Variants in ATP6V1E1 observed in about 807,000 individuals in gnomAD.
ATP6V1E1 encodes ATPase H+ transporting V1 subunit E1.
ATP6V1E1 carries 21 observed loss-of-function variants against 35.2 expected under a neutral mutation model. The observed-to-expected ratio is 0.60, with a 90% CI of 0.42 to 0.86. ATP6V1E1 has a LOEUF of 0.86. ATP6V1E1 is among the 40% of genes least tolerant of loss of function. The probability of loss-of-function intolerance (pLI) is 0.00; values close to 1 mark genes in which losing one functional copy is unlikely to be tolerated. For synonymous variants in ATP6V1E1, 83 were observed against 87.8 expected, an observed-to-expected ratio of 0.95 and a Z score of 0.30; for missense variants, 183 against 272.6, an observed-to-expected ratio of 0.67 and a Z score of 2.32.
At chr22:17,607,866 G>A (rs987807470) in intron 4 of ATP6V1E1, among the ~76,000 whole-genome samples, 1 of 152,124 alleles carries the variant, frequency 6.6e-6, no homozygotes, top group Non-Finnish European at 1.5e-5. Context: ...ATTAAAGTTA[G>A]AGAATTAGCC....
intron 1 of ATP6V1E1, among the ~76,000 whole-genome samples, chr22:17,620,268 C>T (rs367935860): frequency 0.013 from 1,979 of 151,952 alleles, 25 homozygotes; most frequent in Middle Eastern, 0.027. Flanking sequence ...CTGCCTCAGC[C>T]TCCCGAGTAG....
intron 4 of ATP6V1E1, among the ~76,000 whole-genome samples, chr22:17,610,229 T>C (rs1462245747): frequency 7.3e-5 from 11 of 151,416 alleles, no homozygotes; most frequent in Non-Finnish European, 1.6e-4. Flanking sequence ...ATTACGTTTT[T>C]TAAAAAGCAA....
At chr22:17,601,221 G>A (rs200356253) in intron 4 of ATP6V1E1, 40 bp from the exon 5 acceptor site, 8 of 1,567,002 alleles carry the variant, frequency 5.1e-6, no homozygotes, top group Non-Finnish European at 7.0e-6. Context: ...CTACACATCT[G>A]GGCAGTCGGC....
chr22:17,615,248 C>T (rs2057837690), intron 2 of ATP6V1E1, among the ~76,000 whole-genome samples: 1 of 152,032 alleles, frequency 6.6e-6, no homozygotes, highest in Non-Finnish European at 1.5e-5. Flanking sequence ...TTACAGTGAG[C>T]CGAGATCATG....
intron 1 of ATP6V1E1, among the ~76,000 whole-genome samples, chr22:17,628,155 G>C (rs2057931439): frequency 1.3e-5 from 2 of 151,986 alleles, no homozygotes; most frequent in South Asian, 2.1e-4. Context: ...AGTAGAGACC[G>C]GGGTTTCACC....
intron 4 of ATP6V1E1, 130 bp downstream of exon 4, chr22:17,612,682 A>C: frequency 1.2e-6 from 1 of 804,836 alleles, no homozygotes; most frequent in East Asian, 2.9e-5. Flanking sequence ...TGTATTTATT[A>C]TAATAATTGG....
intron 1 of ATP6V1E1, 131 bp downstream of exon 1, chr22:17,628,472 T>C: frequency 7.8e-7 from 1 of 1,281,464 alleles, no homozygotes; most frequent in East Asian, 2.3e-5. Flanking sequence ...CTCTTGGATC[T>C]GGTGACTTGG....
At position 17,592,702 on chromosome 22, in the gene ATP6V1E1, G is replaced by A; in HGVS notation, c.653C>T (p.Ala218Val). 1.2e-6 allele frequency: 2 copies of A among 1,613,812 alleles called. No individual in the cohort carries two copies. Among genetic ancestry groups the A allele is most frequent in the East Asian group, 4.5e-5 (2 of 44,876 alleles). The change falls in exon 9 of 9, where the codon GCA (alanine) becomes GTA (valine). Residue 218 changes from alanine to valine, a missense_variant. Ala to Val is a moderately conservative substitution (Grantham distance 64, BLOSUM62 0). Transcript: ENST00000253413. ...GTCCAAAAACTTCCTGTTGGCATTT[G>A]CACCAAACAAGGCTCCCCGGACTTC... ...MPEVRGALFG[A>V]NANRKFLD
chr22:17,603,784 C>T (rs1046250205), intron 4 of ATP6V1E1, among the ~76,000 whole-genome samples: 8 of 152,214 alleles, frequency 5.3e-5, no homozygotes, highest in Non-Finnish European at 1.2e-4. Context: ...AAGGGATACA[C>T]ACCCTGTCTA....
intron 4 of ATP6V1E1, among the ~76,000 whole-genome samples, chr22:17,607,355 AC>A (rs2146304118): frequency 6.6e-6 from 1 of 152,026 alleles, no homozygotes; most frequent in East Asian, 1.9e-4. Context: ...ATGGGGTTTC[AC>A]CATGTTTGCC....
rs1346596581 is a variant in ATP6V1E1 at position 17,628,718 on chromosome 22, C to A, written c.-83G>T. 5.7e-6 allele frequency: 9 copies of A among 1,579,632 alleles called. No homozygotes were observed. The highest frequency in any genetic ancestry group is 7.8e-6 in the Non-Finnish European group (9 of 1,149,480). On this transcript the variant is annotated 5_prime_UTR_variant, in exon 1 of 9. Transcript: ENST00000253413. ...GGTGAGAGAAATCGGCAAAGGGAAC[C>A]CCTGCGCAGATCTCGGGTTCCTTTA... is the stretch of plus-strand genomic sequence containing the variant.
chr22:17,614,368 A>C (rs1322841108), intron 2 of ATP6V1E1, among the ~76,000 whole-genome samples: 1 of 151,912 alleles, frequency 6.6e-6, no homozygotes, highest in Non-Finnish European at 1.5e-5. Flanking sequence ...AAAAATAAAA[A>C]ATAAAGGCTA....
At chr22:17,596,432 C>CCATGTTGGTAAGGA (rs2057732756) in intron 7 of ATP6V1E1, among the ~76,000 whole-genome samples, 1 of 151,994 alleles carries the variant, frequency 6.6e-6, no homozygotes, top group African/African-American at 2.4e-5. Context: ...GTTCCCTAGG[C>CCATGTTGGTAAGGA]TCTCTGGCCT....
chr22:17,614,155 G>T (rs1200895548), intron 2 of ATP6V1E1, among the ~76,000 whole-genome samples: 1 of 151,410 alleles, frequency 6.6e-6, no homozygotes, highest in Admixed American at 6.6e-5. Context: ...GTTTGAGATC[G>T]GCCTGATCAA....
At position 17,619,452 on chromosome 22, in the gene ATP6V1E1, G is replaced by T; in HGVS notation, c.99+9C>A. 6.3e-7 allele frequency: 1 copy of T among 1,596,546 alleles called. No individual in the cohort carries two copies. The highest frequency in any genetic ancestry group is 1.1e-5 in the South Asian group (1 of 88,108). On this transcript the variant is annotated intron_variant, in intron 2 of 8. Transcript: ENST00000253413. Reference sequence around the variant, plus strand: ...TGATAACTTCTTAAAACTAGAAAATGAATCTCACCTTTGCATCTATTTCTT... The same window carrying T: ...TGATAACTTCTTAAAACTAGAAAATTAATCTCACCTTTGCATCTATTTCTT...
chr22:17,598,016 G>C, intron 7 of ATP6V1E1, 178 bp downstream of exon 7: 1 of 585,598 alleles, frequency 1.7e-6, no homozygotes, highest in Non-Finnish European at 3.0e-6. Flanking sequence ...GCCAACAAGG[G>C]AGAGCAAGAG....
At chr22:17,619,405 A>G in intron 2 of ATP6V1E1, 56 bp downstream of exon 2, 1 of 1,468,468 alleles carries the variant, frequency 6.8e-7, no homozygotes. Context: ...TTATTTAGCA[A>G]AGCAAAACAA....
Position 17,612,917 on chromosome 22 carries a change from T to TA in ATP6V1E1, c.210-40dup, listed in dbSNP as rs768380615. ...TTGAAAAATAGCATTAGTAACAACT[T>TA]AAAACTGTAGAGAAAGAATTCGAAC... On this transcript the variant is annotated intron_variant, in intron 3 of 8. Transcript: ENST00000253413. The TA allele has an allele frequency of 3.2e-6, 5 of 1,557,672 alleles. No individual in the cohort carries two copies. In the South Asian group the frequency reaches 4.7e-5, roughly 15 times the overall value.
chr22:17,608,921 C>A (rs1362201963), intron 4 of ATP6V1E1, among the ~76,000 whole-genome samples: 1 of 151,958 alleles, frequency 6.6e-6, no homozygotes, highest in African/African-American at 2.4e-5. Context: ...CCTGTCTGTA[C>A]TAAAAATACA....
Sources: gnomAD v4.1 joint callset for allele counts (sites outside exome capture counted in the v4.1 genomes callset) on GRCh38, gnomAD v4.1.1 for gene constraint, MANE v1.5 for transcripts, NCBI Gene and HGNC (gene_info 2026-07-23, HGNC 2026-07-21) for gene names.